The following ERP44 variants were observed in gnomAD, a reference collection of about 807,000 sequenced individuals.
ERP44 encodes the protein endoplasmic reticulum resident protein 44.
Under a neutral mutation model 53.4 loss-of-function variants are expected in ERP44, and 25 were observed. The ratio of observed to expected loss-of-function variants is 0.47; its 90% CI spans 0.34 to 0.65. ERP44 has a LOEUF of 0.65. Among genes scored for constraint, ERP44 ranks in the 30% least tolerant of loss-of-function variants. The pLI, the probability that ERP44 is intolerant of heterozygous loss-of-function variation, is 0.01. For synonymous variants in ERP44, 145 were observed against 161.2 expected (o/e 0.90, Z 0.76); for missense variants, 338 against 493.2 (o/e 0.69, Z 2.98).
rs145814875 is a variant in ERP44, at chr9:100,033,482, A to G, written c.287-11256T>C. ...ACCCATGGCTGGGCTCAACTTTTTA[A>G]AAAAGTCTAACCTGAGATTCCTTCT... is the stretch of plus-strand genomic sequence containing the variant. On this transcript the variant is annotated intron_variant, in intron 4 of 11. Transcript: ENST00000262455. 1.3e-5 allele frequency among the ~76,000 whole-genome samples: 2 copies of G among 152,362 alleles called. 1 individual carries two copies. The highest frequency in any genetic ancestry group is 3.8e-4 in the East Asian group (2 of 5,196).
chr9:100,083,497 CAA>C (rs966628583), intron 1 of ERP44, among the ~76,000 whole-genome samples: 5 of 152,096 alleles, frequency 3.3e-5, no homozygotes, highest in African/African-American at 1.2e-4. Flanking sequence ...TACAATGAGT[CAA>C]AAAGTGTAAG....
chr9:100,067,949 T>TCCGCCCGGCAGCCACC (rs1407749563), intron 1 of ERP44, among the ~76,000 whole-genome samples: 1 of 149,666 alleles, frequency 6.7e-6, no homozygotes, highest in African/African-American at 2.5e-5. Flanking sequence ...GAGGAGCGTC[T>TCCGCCCGGCAGCCACC]CCGCCCGGCA....
chr9:100,085,750 T>G (rs962662505), intron 1 of ERP44, among the ~76,000 whole-genome samples: 1 of 152,058 alleles, frequency 6.6e-6, no homozygotes, highest in Admixed American at 6.5e-5. Flanking sequence ...AAATACAAAA[T>G]TAGCTGGACA....
intron 10 of ERP44, among the ~76,000 whole-genome samples, chr9:99,987,802 G>A (rs1193928120): frequency 6.6e-6 from 1 of 151,832 alleles, no homozygotes; most frequent in Non-Finnish European, 1.5e-5. Context: ...TTGCATTTGG[G>A]ATTCAGCCAT....
intron 1 of ERP44, among the ~76,000 whole-genome samples, chr9:100,067,865 C>A (rs1330713427): frequency 2.6e-5 from 4 of 151,080 alleles, no homozygotes; most frequent in African/African-American, 4.9e-5. Context: ...AAGTGAGGAG[C>A]CCCTCCGCCC....
At chr9:100,011,947 TAA>T (rs1478969457) in intron 8 of ERP44, among the ~76,000 whole-genome samples, 2 of 152,176 alleles carry the variant, frequency 1.3e-5, no homozygotes, top group Admixed American at 6.5e-5. Flanking sequence ...ATCCCTAATC[TAA>T]AACTCTGAAA....
chr9:99,997,636 A>G (rs1830326936), intron 10 of ERP44, among the ~76,000 whole-genome samples: 1 of 152,160 alleles, frequency 6.6e-6, no homozygotes, highest in Admixed American at 6.5e-5. Context: ...TCCTTAAACC[A>G]TGGTTTAAAC....
intron 1 of ERP44, among the ~76,000 whole-genome samples, chr9:100,088,875 C>A (rs1826517431): frequency 6.6e-6 from 1 of 152,136 alleles, no homozygotes; most frequent in African/African-American, 2.4e-5. Context: ...GAAAGAAATA[C>A]TTCGAATATT....
intron 8 of ERP44, among the ~76,000 whole-genome samples, chr9:100,010,907 A>G (rs1830469077): frequency 6.6e-6 from 1 of 151,692 alleles, no homozygotes; most frequent in Non-Finnish European, 1.5e-5. Flanking sequence ...ATCTCAAAAA[A>G]AAAAAAAAAG....
chr9:100,089,866 C>A (rs1366142075), intron 1 of ERP44, among the ~76,000 whole-genome samples: 1 of 152,094 alleles, frequency 6.6e-6, no homozygotes, highest in African/African-American at 2.4e-5. Context: ...TCGGTATAAT[C>A]CACAATTTCA....
At chr9:100,068,050 G>T (rs1246073046) in intron 1 of ERP44, among the ~76,000 whole-genome samples, 2 of 146,680 alleles carry the variant, frequency 1.4e-5, no homozygotes, top group African/African-American at 5.1e-5. Flanking sequence ...TCCCCCGCCC[G>T]GCCAGCCGCC....
At chr9:99,999,764 G>C (rs1211309879) in intron 10 of ERP44, among the ~76,000 whole-genome samples, 2 of 152,102 alleles carry the variant, frequency 1.3e-5, no homozygotes, top group Non-Finnish European at 2.9e-5. Context: ...CCACACTAAT[G>C]TCATGAAGCT....
intron 1 of ERP44, among the ~76,000 whole-genome samples, chr9:100,066,780 T>C (rs1293347495): frequency 6.6e-6 from 1 of 152,190 alleles, no homozygotes; most frequent in East Asian, 1.9e-4. Context: ...GTATAAAGGT[T>C]TCCAGTTGGC....
intron 10 of ERP44, among the ~76,000 whole-genome samples, chr9:99,999,264 C>T (rs1174786758): frequency 6.7e-6 from 1 of 148,362 alleles, no homozygotes; most frequent in Non-Finnish European, 1.5e-5. Flanking sequence ...CTTTTGAGAA[C>T]TGTCTATTCA....
At chr9:100,062,075 A>C (rs1216896433) in intron 1 of ERP44, among the ~76,000 whole-genome samples, 1 of 152,128 alleles carries the variant, frequency 6.6e-6, no homozygotes, top group Non-Finnish European at 1.5e-5. Context: ...GGAATATCCC[A>C]ATCTCTGCGG....
Position 100,043,291 on chromosome 9 carries a change from A to AAAAAAAAAAAAAAAAAAAAAAAAAAG in ERP44, c.286+9125_286+9126insCTTTTTTTTTTTTTTTTTTTTTTTTT, listed in dbSNP as rs1168903331. Among the ~76,000 whole-genome samples, 24 of 74,920 alleles carry AAAAAAAAAAAAAAAAAAAAAAAAAAG rather than the reference A, an allele frequency of 3.2e-4. 8 individuals are homozygous for AAAAAAAAAAAAAAAAAAAAAAAAAAG. The highest frequency in any genetic ancestry group is 9.3e-4 in the African/African-American group (16 of 17,158). The allele number at this position is 74,920 out of a possible 152,430, so 49.2% of individuals were successfully genotyped here. ...AAAAAAAAAAAAAAAAAAAAAAAAA[A>AAAAAAAAAAAAAAAAAAAAAAAAAAG]GATAAATAAGACATAGTATTTGCTA... On this transcript the variant is annotated intron_variant, in intron 4 of 11. Coordinates refer to ENST00000262455, the MANE Select transcript of ERP44 (RefSeq NM_015051.3).
At position 99,984,964 on chromosome 9, in the gene ERP44, T is replaced by C. The variant is rs1191278626; in HGVS notation, c.1119+3A>G. 5 of 1,584,166 alleles carry C rather than the reference T, an allele frequency of 3.2e-6. No individual in the cohort carries two copies. The highest frequency in any genetic ancestry group is 1.3e-5 in the African/African-American group (1 of 74,270). ...CTCATTGAAAAATAAACAGGAGTCC[T>C]ACCTCTCCTGGGGCTGTATCAGTTG... On this transcript the variant is annotated splice_donor_region_variant and intron_variant, in intron 11 of 11. Transcript: ENST00000262455.
intron 5 of ERP44, among the ~76,000 whole-genome samples, chr9:100,021,696 G>T (rs1830591535): frequency 6.6e-6 from 1 of 152,174 alleles, no homozygotes. Context: ...TCATACAAAA[G>T]TAATTAGAGC....
At position 99,985,081 on chromosome 9, in the gene ERP44, G is replaced by T; in HGVS notation, c.1017-12C>A. 6.4e-7 allele frequency: 1 copy of T among 1,553,348 alleles called. No individual in the cohort carries two copies. ...GTTTTCCAGGAATTCTAAAACCAGA[G>T]TCAAATAAAATGTAAACTGTTAAAA... On this transcript the variant is annotated splice_polypyrimidine_tract_variant and intron_variant, in intron 10 of 11. Coordinates refer to ENST00000262455, the MANE Select transcript of ERP44 (RefSeq NM_015051.3).
Sources: allele counts gnomAD v4.1 joint callset (sites outside exome capture counted in the v4.1 genomes callset), GRCh38; gene constraint gnomAD v4.1.1; transcripts MANE v1.5; gene names NCBI Gene and HGNC (gene_info 2026-07-23, HGNC 2026-07-21).